Variants in RP1L1 observed in about 807,000 individuals in gnomAD.
RP1L1 encodes the protein retinitis pigmentosa 1-like 1 protein.
A neutral mutation model predicts 15.7 loss-of-function variants in RP1L1; 27 were observed. That is an observed-to-expected ratio of 1.72 (90% CI 1.27 to 2.38). RP1L1 has a LOEUF of 2.38. Among genes scored for constraint, RP1L1 ranks in the 30% most tolerant of loss-of-function variants. The probability of loss-of-function intolerance (pLI) is 0.00; values close to 1 mark genes in which losing one functional copy is unlikely to be tolerated. For synonymous variants in RP1L1, 1,813 were observed against 1,276.7 expected (o/e 1.42, Z -8.96); for missense variants, 4,798 against 3,075.9 (o/e 1.56, Z -13.24).
At chr8:10,649,291 T>G (rs939179390) in intron 1 of RP1L1, among the ~76,000 whole-genome samples, 4 of 152,370 alleles carry the variant, frequency 2.6e-5, no homozygotes, top group African/African-American at 9.6e-5. Flanking sequence ...TACAGTTTCT[T>G]AGGCACTCAG....
At chr8:10,617,929 A>G (rs1797997571) in intron 2 of RP1L1, among the ~76,000 whole-genome samples, 1 of 152,026 alleles carries the variant, frequency 6.6e-6, no homozygotes, top group Admixed American at 6.5e-5. Context: ...AATCGCACCC[A>G]CTAAACGGTA....
In RP1L1 at chr8:10,611,404, C is replaced by G; in HGVS notation, c.2694G>C (p.Thr898=). ...CCCCTGAATTGGGGCCTGGGGACGG[C>G]GTGGGGCCTGGCTGGCGTGTCCCCT... ...PQEGTRQPGP[T]PSPGPNSGAS... is the part of the protein sequence containing the mutation. The change falls in exon 4 of 4, where the codon ACG becomes ACC. Residue 898 remains threonine, a synonymous_variant. Coordinates refer to ENST00000382483, the MANE Select transcript of RP1L1 (RefSeq NM_178857.6). 1 of 1,599,322 alleles carries G rather than the reference C, an allele frequency of 6.3e-7. No individual in the cohort carries two copies.
rs937587519 is a variant in RP1L1 at position 10,609,739 on chromosome 8, G to T, written c.4359C>A (p.Pro1453=). ...GGTCCGTCTCGCTGAGATGACTAGG[G>T]GGCTCTGTGGGTTCCTCTGTGCCCT... The part of the protein sequence containing the change: ...PAEGTEEPTE[P]PSHLSETDPS... The change falls in exon 4 of 4, where the codon CCC becomes CCA. Residue 1453 remains proline, a synonymous_variant. Coordinates refer to ENST00000382483, the MANE Select transcript of RP1L1 (RefSeq NM_178857.6). The T allele has an allele frequency of 1.2e-6, 2 of 1,613,354 alleles. No individual in the cohort carries two copies. Among genetic ancestry groups the T allele is most frequent in the African/African-American group, 2.7e-5 (2 of 74,912 alleles).
intron 1 of RP1L1, among the ~76,000 whole-genome samples, chr8:10,635,162 C>T (rs543980019): frequency 2.6e-5 from 4 of 152,286 alleles, no homozygotes; most frequent in South Asian, 4.1e-4. Context: ...CCACTGGCCA[C>T]GGCATGTCCT....
At chr8:10,651,424 A>C (rs972243420) in intron 1 of RP1L1, among the ~76,000 whole-genome samples, 1 of 152,200 alleles carries the variant, frequency 6.6e-6, no homozygotes, top group Non-Finnish European at 1.5e-5. Flanking sequence ...TAAACTAAAA[A>C]ATAGAAATAA....
At position 10,613,131 on chromosome 8, in the gene RP1L1, C is replaced by T. The variant is rs200724846; in HGVS notation, c.967G>A (p.Val323Met). 37 of 1,613,840 alleles carry T rather than the reference C, an allele frequency of 2.3e-5. No homozygotes were observed. Among genetic ancestry groups the T allele is most frequent in the East Asian group, 1.1e-4 (5 of 44,888 alleles). Reference protein sequence around the residue: ...VRMNEDGSLSVEMKVRFHLVG... With the variant: ...VRMNEDGSLSMEMKVRFHLVG... ...AGGTGGAAGCGGACTTTCATCTCCA[C>T]GGACAGGCTGCCGTCCTCATTCATG... The change falls in exon 4 of 4, where the codon GTG becomes ATG. Residue 323 changes from valine to methionine, a missense_variant. Val to Met is a conservative substitution (Grantham distance 21). Transcript: ENST00000382483.
Position 10,622,773 on chromosome 8 carries a change from G to C in RP1L1, c.429C>G (p.Ser143=), listed in dbSNP as rs377067278. ...EGQREAPGTS[S]SRKSLKTPRR... is the part of the protein sequence containing the mutation. ...GGGGGGTTTTAAGACTCTTCCGGGA[G>C]GAGGAGGTGCCTGGGGCTTCACGCT... Residue 143 remains serine (S), a synonymous_variant, in exon 2 of 4, where the codon TCC becomes TCG. Coordinates refer to ENST00000382483, the MANE Select transcript of RP1L1 (RefSeq NM_178857.6). 1 of 1,614,018 alleles carries C rather than the reference G, an allele frequency of 6.2e-7. No homozygotes were observed.
At chr8:10,616,359 C>A in intron 3 of RP1L1, 87 bp downstream of exon 3, 1 of 1,576,290 alleles carries the variant, frequency 6.3e-7, no homozygotes, top group Non-Finnish European at 8.7e-7. Flanking sequence ...GGGAAGTTTC[C>A]TGAATTACCT....
At chr8:10,649,819 C>G (rs1281461936) in intron 1 of RP1L1, among the ~76,000 whole-genome samples, 1 of 152,196 alleles carries the variant, frequency 6.6e-6, no homozygotes, top group African/African-American at 2.4e-5. Flanking sequence ...AAGCAATTCC[C>G]TGAAGCCCAT....
At chr8:10,633,358 C>T (rs947407570) in intron 1 of RP1L1, among the ~76,000 whole-genome samples, 2 of 152,146 alleles carry the variant, frequency 1.3e-5, no homozygotes, top group African/African-American at 2.4e-5. Flanking sequence ...ACAAGGCAAC[C>T]CAGAAAGGCC....
In RP1L1 at chr8:10,610,641, T is replaced by G. The variant is rs148203843; in HGVS notation, c.3457A>C (p.Ile1153Leu). 1.5e-4 allele frequency: 234 copies of G among 1,612,442 alleles called. No individual in the cohort carries two copies. In the African/African-American group the frequency reaches 2.7e-3, roughly 19 times the overall value. The change falls in exon 4 of 4, where the codon ATC becomes CTC. Residue 1153 changes from isoleucine (I) to leucine (L), a missense_variant. Physicochemically the swap from Ile to Leu is conservative, Grantham distance 5 (BLOSUM62 2). Coordinates refer to ENST00000382483, the MANE Select transcript of RP1L1 (RefSeq NM_178857.6). Reference protein sequence around the residue: ...DSPRYQELLSISKDLWPGCDV... With the variant: ...DSPRYQELLSLSKDLWPGCDV... ...CATCCTGGCCACAGGTCCTTCGAGA[T>G]GCTGAGCAGCTCCTGGTACCGAGGG... is the stretch of plus-strand genomic sequence containing the variant.
Position 10,649,890 on chromosome 8 carries a change from C to T in RP1L1, c.-20+5008G>A, listed in dbSNP as rs191646170. On this transcript the variant is annotated intron_variant, in intron 1 of 3. Coordinates refer to ENST00000382483, the MANE Select transcript of RP1L1 (RefSeq NM_178857.6). Reference sequence around the variant, plus strand: ...TACTGTTGGCTGCCTCCCCTTCAGCCGCCCCTGCCCCACCTCTTGCTTGCT... The same window carrying T: ...TACTGTTGGCTGCCTCCCCTTCAGCTGCCCCTGCCCCACCTCTTGCTTGCT... Among the ~76,000 whole-genome samples, 1,133 of 152,204 alleles carry T rather than the reference C, an allele frequency of 7.4e-3. 9 individuals are homozygous for T. The highest frequency in any genetic ancestry group is 0.031 in the Middle Eastern group (9 of 294).
rs1797796115 is a variant in RP1L1 at position 10,609,835 on chromosome 8, G to A, written c.4263C>T (p.Ser1421=). ...SEASSPDGKG[S]QEDDPVQEEE... Reference sequence around the variant, plus strand: ...CCTCCTGGACTGGGTCATCTTCCTGGGAGCCTTTCCCATCCGGAGAGCTGG... The same window carrying A: ...CCTCCTGGACTGGGTCATCTTCCTGAGAGCCTTTCCCATCCGGAGAGCTGG... The change falls in exon 4 of 4, where the codon TCC becomes TCT. Residue 1421 remains serine (S), a synonymous_variant. Transcript: ENST00000382483. 3 of 1,614,090 alleles carry A rather than the reference G, an allele frequency of 1.9e-6. No individual in the cohort carries two copies. The highest frequency in any genetic ancestry group is 4.5e-5 in the East Asian group (2 of 44,872).
chr8:10,634,213 C>T lies in RP1L1; in HGVS notation c.-19-10993G>A, dbSNP rs191036955. Among the ~76,000 whole-genome samples the T allele has an allele frequency of 7.6e-4, 115 of 152,312 alleles. 1 individual carries two copies. The highest frequency in any genetic ancestry group is 2.1e-4 in the Non-Finnish European group (14 of 68,024). On this transcript the variant is annotated intron_variant, in intron 1 of 3. Transcript: ENST00000382483. ...GCCCTGGCTCATCTCTGACACCACCCGACTTATCCACCTCCTAAATCAACT... is the reference window on the plus strand; with the variant it reads ...GCCCTGGCTCATCTCTGACACCACCTGACTTATCCACCTCCTAAATCAACT...
In RP1L1 at chr8:10,610,549, G is replaced by A. The variant is rs1342171016; in HGVS notation, c.3549C>T (p.Asp1183=). The part of the protein sequence containing the change: ...WELTWSQALP[D]LGSHAMTENF... ...TCTCCGTCATGGCATGGGACCCAAG[G>A]TCTGGCAGAGCCTGGCTCCATGTGA... The change falls in exon 4 of 4, where the codon GAC becomes GAT. Residue 1183 remains aspartate (D), a synonymous_variant. Coordinates refer to ENST00000382483, the MANE Select transcript of RP1L1 (RefSeq NM_178857.6). 1 of 1,613,730 alleles carries A rather than the reference G, an allele frequency of 6.2e-7. No homozygotes were observed. The highest frequency in any genetic ancestry group is 1.7e-5 in the Admixed American group (1 of 60,026).
chr8:10,616,563 G>A lies in RP1L1; in HGVS notation c.634C>T (p.His212Tyr). The A allele has an allele frequency of 1.2e-6, 2 of 1,613,600 alleles. No individual in the cohort carries two copies. Among genetic ancestry groups the A allele is most frequent in the Non-Finnish European group, 1.7e-6 (2 of 1,180,014 alleles). ...KKVDSLQALLHSPSVLVCAGH... is the reference protein window; with the variant it reads ...KKVDSLQALLYSPSVLVCAGH... Reference sequence around the variant, plus strand: ...GCACACACCAGCACAGAGGGGCTGTGCAGCAGGGCCTGCAGCGAGTCCACC... The same window carrying A: ...GCACACACCAGCACAGAGGGGCTGTACAGCAGGGCCTGCAGCGAGTCCACC... Residue 212 changes from histidine to tyrosine, a missense_variant, in exon 3 of 4, where the codon CAC (histidine) becomes TAC (tyrosine). Coordinates refer to ENST00000382483, the MANE Select transcript of RP1L1 (RefSeq NM_178857.6).
chr8:10,628,407 T>A (rs911860381), intron 1 of RP1L1, among the ~76,000 whole-genome samples: 3 of 151,844 alleles, frequency 2.0e-5, no homozygotes, highest in African/African-American at 7.3e-5. Flanking sequence ...ACAAGCACAT[T>A]CCCATAAACA....
intron 1 of RP1L1, among the ~76,000 whole-genome samples, chr8:10,637,563 G>C (rs1255024625): frequency 2.0e-5 from 3 of 152,116 alleles, no homozygotes; most frequent in Non-Finnish European, 2.9e-5. Flanking sequence ...CTGGGCAACA[G>C]AGTGAGACCC....
In RP1L1 at chr8:10,613,000, G is replaced by A. The variant is rs753387444; in HGVS notation, c.1098C>T (p.Cys366=). The change falls in exon 4 of 4, where the codon TGC becomes TGT. Residue 366 remains cysteine (C), a synonymous_variant. Transcript: ENST00000382483. ...CCCAAGGGTAGCCCTCCCACACACA[G>A]CAGAGGGGGTCTACCTCCCCCAGAA... ...DPVLGEVDPL[C]CVWEGYPWGF... is the part of the protein sequence containing the mutation. The A allele has an allele frequency of 2.4e-5, 38 of 1,613,272 alleles. No individual in the cohort carries two copies. The highest frequency in any genetic ancestry group is 3.0e-5 in the Non-Finnish European group (35 of 1,179,994).
Sources: allele counts gnomAD v4.1 joint callset (sites outside exome capture counted in the v4.1 genomes callset), GRCh38; gene constraint gnomAD v4.1.1; transcripts MANE v1.5; gene names NCBI Gene and HGNC (gene_info 2026-07-23, HGNC 2026-07-21).